ANK1: variants seen among roughly 807,000 people sequenced by gnomAD.
The protein encoded by ANK1 is ankyrin-1.
Under a neutral mutation model 210.4 loss-of-function variants are expected in ANK1, and 51 were observed. The ratio of observed to expected loss-of-function variants is 0.24; its 90% confidence interval spans 0.19 to 0.31. The LOEUF is 0.31. Among genes scored for constraint, ANK1 ranks in the 10% least tolerant of loss-of-function variants. The probability of loss-of-function intolerance (pLI) is 1.00; values close to 1 mark genes in which losing one functional copy is unlikely to be tolerated. For synonymous variants in ANK1, 967 were observed against 1,025.9 expected (o/e 0.94, Z 1.10); for missense variants, 2,051 against 2,504.4 (o/e 0.82, Z 3.86).
intron 1 of ANK1, among the ~76,000 whole-genome samples, chr8:41,787,073 G>C (rs943705877): frequency 5.3e-5 from 8 of 152,204 alleles, no homozygotes; most frequent in African/African-American, 1.9e-4. Flanking sequence ...AAAGCACAGA[G>C]GGATGCCTGA....
intron 2 of ANK1, among the ~76,000 whole-genome samples, chr8:41,752,274 T>C (rs576033507): frequency 6.6e-6 from 1 of 152,308 alleles, no homozygotes; most frequent in African/African-American, 2.4e-5. Context: ...ATTTTGTCTG[T>C]CTTGTTCAGT....
rs1189907653 is a variant in ANK1 at position 41,756,128 on chromosome 8, ATTTATTTATTTATTTAT to A, written c.129+1891_129+1907del. Among the ~76,000 whole-genome samples, 24 of 152,034 alleles carry A rather than the reference ATTTATTTATTTATTTAT, an allele frequency of 1.6e-4. 1 individual carries two copies. The highest frequency in any genetic ancestry group is 7.9e-4 in the Admixed American group (12 of 15,278). Reference sequence around the variant, plus strand: ...GGAGGCAGGTAGTATTTTGCATTTTATTTATTTATTTATTTATTTTATTTATTTATTTAAGACAGAGT... The same window carrying A: ...GGAGGCAGGTAGTATTTTGCATTTTATTTATTTATTTATTTAAGACAGAGT... On this transcript the variant is annotated intron_variant, in intron 2 of 42. Transcript: ENST00000289734.
intron 9 of ANK1, among the ~76,000 whole-genome samples, chr8:41,720,871 C>T (rs571317379): frequency 9.2e-5 from 14 of 152,108 alleles, no homozygotes; most frequent in African/African-American, 3.4e-4. Context: ...CCATGCAGTT[C>T]GACAGTCCGG....
chr8:41,824,290 A>T, intron 1 of ANK1, among the ~76,000 whole-genome samples: 1 of 152,160 alleles, frequency 6.6e-6, no homozygotes, highest in East Asian at 1.9e-4. Context: ...TAAACTTAAA[A>T]AGTCTTATAA....
intron 1 of ANK1, among the ~76,000 whole-genome samples, chr8:41,810,733 G>A (rs1375057277): frequency 6.6e-6 from 1 of 152,222 alleles, no homozygotes; most frequent in African/African-American, 2.4e-5. Context: ...AAAGCGCGGA[G>A]AACAGGCACT....
rs143711773 is a variant in ANK1 at position 41,756,365 on chromosome 8, C to T, written c.129+1671G>A. ...TTCACCATATTGGCCAGGCTAGTCTCGAACTTCTGACCTCGTGATCTGCCT... is the reference window on the plus strand; with the variant it reads ...TTCACCATATTGGCCAGGCTAGTCTTGAACTTCTGACCTCGTGATCTGCCT... On this transcript the variant is annotated intron_variant, in intron 2 of 42. Transcript: ENST00000289734. 3.1e-3 allele frequency among the ~76,000 whole-genome samples: 473 copies of T among 151,306 alleles called. 3 individuals carry two copies. The highest frequency in any genetic ancestry group is 0.011 in the African/African-American group (442 of 41,144).
Position 41,702,524 on chromosome 8 carries a change from C to A in ANK1, c.2296-380G>T, listed in dbSNP as rs1358425085. Among the ~76,000 whole-genome samples, 5 of 152,188 alleles carry A rather than the reference C, an allele frequency of 3.3e-5. No homozygotes were observed. In the South Asian group the frequency reaches 1.0e-3, roughly 32 times the overall value. On this transcript the variant is annotated intron_variant, in intron 20 of 42. Coordinates refer to ENST00000289734, the MANE Select transcript of ANK1 (RefSeq NM_000037.4). The stretch of plus-strand genomic sequence containing the variant: ...GGAAGATGAGGACAGAGGAAGGCTG[C>A]TTGCTGCTCCCAAAGTCTGTTCTTG...
intron 24 of ANK1, among the ~76,000 whole-genome samples, chr8:41,697,392 A>G (rs474051): frequency 0.89 from 134,824 of 152,144 alleles, 61,318 homozygotes; most frequent in East Asian, 1. Context: ...AGATCTTCAC[A>G]TTTGCTTTTC....
chr8:41,771,354 C>T (rs1842920103), intron 1 of ANK1, among the ~76,000 whole-genome samples: 1 of 152,124 alleles, frequency 6.6e-6, no homozygotes, highest in Admixed American at 6.5e-5. Flanking sequence ...GAAAGCTAAA[C>T]TATTGTTCTT....
intron 1 of ANK1, among the ~76,000 whole-genome samples, chr8:41,785,977 C>T (rs1846284194): frequency 6.6e-6 from 1 of 152,212 alleles, no homozygotes. Flanking sequence ...GTCTCTTCTC[C>T]CTGTACTCTG....
chr8:41,815,248 C>G (rs1433885533), intron 1 of ANK1, among the ~76,000 whole-genome samples: 2 of 151,942 alleles, frequency 1.3e-5, no homozygotes, highest in African/African-American at 2.4e-5. Context: ...ACATGAAGCA[C>G]AGGAAATTAT....
chr8:41,841,979 G>A (rs951007642), intron 1 of ANK1, among the ~76,000 whole-genome samples: 1 of 152,214 alleles, frequency 6.6e-6, no homozygotes, highest in African/African-American at 2.4e-5. Context: ...GTGGCATCGT[G>A]TGTTCAAACC....
chr8:41,877,734 C>T (rs894970406), intron 1 of ANK1, among the ~76,000 whole-genome samples: 5 of 152,174 alleles, frequency 3.3e-5, no homozygotes, highest in Admixed American at 6.5e-5. Context: ...GCGAAGTGGT[C>T]GCTGGAGAGC....
intron 7 of ANK1, 32 bp downstream of exon 7, chr8:41,724,424 G>C (rs773467624): frequency 3.9e-6 from 6 of 1,527,698 alleles, no homozygotes; most frequent in Admixed American, 2.0e-5. Flanking sequence ...CCAAGCCCCC[G>C]GACAGTGAGG....
At chr8:41,802,995 G>GAGGAAGAA (rs1850178763) in intron 1 of ANK1, among the ~76,000 whole-genome samples, 1 of 57,492 alleles carries the variant, frequency 1.7e-5, no homozygotes, top group Non-Finnish European at 3.3e-5. Context: ...GAGAGAAAGA[G>GAGGAAGAA]AGAAAGAAAG....
upstream of ANK1, among the ~76,000 whole-genome samples, chr8:41,797,841 G>A (rs1003265776): frequency 2.0e-5 from 3 of 152,016 alleles, no homozygotes; most frequent in Non-Finnish European, 4.4e-5. This position sits in a 1 kb window ranked among gnomAD's most constrained non-coding sequence, Gnocchi z 4.0. Context: ...GAGAGCAGCC[G>A]GGGAGAGCTG....
chr8:41,790,691 T>G (rs975900703), intron 1 of ANK1, among the ~76,000 whole-genome samples: 6 of 152,168 alleles, frequency 3.9e-5, no homozygotes, highest in African/African-American at 1.4e-4. Flanking sequence ...TTTAAATGCA[T>G]GCAATTAATA....
chr8:41,794,737 C>G (rs1300613515), intron 1 of ANK1, among the ~76,000 whole-genome samples: 2 of 152,186 alleles, frequency 1.3e-5, no homozygotes, highest in African/African-American at 4.8e-5. Context: ...CAGAGTCTCA[C>G]TCTGTCACCC....
intron 42 of ANK1, among the ~76,000 whole-genome samples, chr8:41,659,521 G>C (rs1016832810): frequency 3.9e-5 from 6 of 152,202 alleles, no homozygotes; most frequent in Admixed American, 2.0e-4. Flanking sequence ...AGGATCGACT[G>C]TACATGCTTG....
Sources: allele counts gnomAD v4.1 joint callset (sites outside exome capture counted in the v4.1 genomes callset), GRCh38; gene constraint gnomAD v4.1.1; non-coding constraint Gnocchi (gnomAD v3.1); transcripts MANE v1.5; gene names NCBI Gene and HGNC (gene_info 2026-07-23, HGNC 2026-07-21).